TMEM62: variants seen among roughly 807,000 people sequenced by gnomAD.
The protein encoded by TMEM62 is transmembrane protein 62.
In TMEM62, 41 loss-of-function variants were observed where a neutral mutation model predicts 70.4. That is an observed-to-expected ratio of 0.58 (90% CI 0.45 to 0.76). TMEM62 has a LOEUF of 0.76. Among genes scored for constraint, TMEM62 ranks in the 30% least tolerant of loss-of-function variants. The pLI, the probability that TMEM62 is intolerant of heterozygous loss-of-function variation, is 0.00. For synonymous variants in TMEM62, 268 were observed against 291.0 expected, an observed-to-expected ratio of 0.92 and a Z score of 0.80; for missense variants, 688 against 788.5, an observed-to-expected ratio of 0.87 and a Z score of 1.53.
At chr15:43,138,537 T>C (rs1170506274) in intron 3 of TMEM62, 37 bp from the exon 4 acceptor site, 1 of 1,466,754 alleles carries the variant, frequency 6.8e-7, no homozygotes, top group Non-Finnish European at 9.4e-7. Context: ...TTTTTTAATG[T>C]GGATGAATGT....
chr15:43,168,166 AG>A, intron 10 of TMEM62, among the ~76,000 whole-genome samples: 1 of 48,140 alleles, frequency 2.1e-5, no homozygotes, highest in African/African-American at 1.0e-4. Context: ...GGAGAGGGAG[AG>A]GGAGACGGAG....
intron 2 of TMEM62, 62 bp downstream of exon 2, chr15:43,134,430 G>A (rs533992016): frequency 8.8e-6 from 12 of 1,357,106 alleles, no homozygotes; most frequent in Middle Eastern, 2.1e-4. Flanking sequence ...CTCTAGCCAG[G>A]GCTGTGGCTT....
intron 7 of TMEM62, among the ~76,000 whole-genome samples, chr15:43,151,120 G>A (rs1043120506): frequency 6.6e-6 from 1 of 152,090 alleles, no homozygotes; most frequent in Admixed American, 6.5e-5. Context: ...CAAGGTGAGG[G>A]GGATCACCTG....
intron 7 of TMEM62, among the ~76,000 whole-genome samples, chr15:43,151,570 A>G (rs2037398564): frequency 6.6e-6 from 1 of 152,204 alleles, no homozygotes; most frequent in Non-Finnish European, 1.5e-5. Flanking sequence ...TCAAGAGCAC[A>G]GTTGAATCCA....
Sources: gnomAD v4.1 joint callset for allele counts (sites outside exome capture counted in the v4.1 genomes callset) on GRCh38, gnomAD v4.1.1 for gene constraint, MANE v1.5 for transcripts, NCBI Gene and HGNC (gene_info 2026-07-23, HGNC 2026-07-21) for gene names.